TENM3: variants seen among roughly 807,000 people sequenced by gnomAD.
TENM3 encodes the protein teneurin transmembrane protein 3, also known as teneurin-3.
A neutral mutation model predicts 255.1 loss-of-function variants in TENM3; 63 were observed. That is an observed-to-expected ratio of 0.25 (90% confidence interval 0.20 to 0.30). The LOEUF (loss-of-function observed/expected upper bound fraction) is 0.30, where lower values mean the gene tolerates loss of function less well. Ranked by LOEUF, TENM3 falls within the 10% of genes least tolerant of loss-of-function variation. The probability of loss-of-function intolerance (pLI) is 1.00; values close to 1 mark genes in which losing one functional copy is unlikely to be tolerated. For missense variants in TENM3, 2,929 were observed against 3,461.1 expected, an observed-to-expected ratio of 0.85 and a Z score of 3.86; for synonymous variants, 1,306 against 1,322.3, an observed-to-expected ratio of 0.99 and a Z score of 0.27.
chr4:181,545,343 C>G, the TENM3 span, among the ~76,000 whole-genome samples: 3 of 152,134 alleles, frequency 2.0e-5, no homozygotes, highest in African/African-American at 7.2e-5. Flanking sequence ...TTTTACTAGT[C>G]CGTGGTTTGT....
At chr4:181,979,076 T>C in the TENM3 span, among the ~76,000 whole-genome samples, 2 of 116,040 alleles carry the variant, frequency 1.7e-5, no homozygotes, top group Non-Finnish European at 3.4e-5. Context: ...AGAAGCAAAA[T>C]ATATGCTACA....
chr4:181,474,377 A>C, the TENM3 span, among the ~76,000 whole-genome samples: 1 of 152,142 alleles, frequency 6.6e-6, no homozygotes, highest in Admixed American at 6.5e-5. Flanking sequence ...TTACATACAT[A>C]GTTTTATTCA....
chr4:182,248,151 T>A (rs1242559068), intron 1 of TENM3, among the ~76,000 whole-genome samples: 1 of 152,192 alleles, frequency 6.6e-6, no homozygotes, highest in Non-Finnish European at 1.5e-5. Context: ...CAGTTAAAAT[T>A]TGCTTTTAAA....
the TENM3 span, among the ~76,000 whole-genome samples, chr4:181,892,908 A>T: frequency 6.6e-6 from 1 of 152,228 alleles, no homozygotes; most frequent in Non-Finnish European, 1.5e-5. Context: ...ATTCCAGAAG[A>T]GGAAGAACTG....
chr4:181,542,204 A>T, the TENM3 span, among the ~76,000 whole-genome samples: 2 of 152,224 alleles, frequency 1.3e-5, no homozygotes, highest in African/African-American at 4.8e-5. Flanking sequence ...AGAATAACGT[A>T]TTCAAAGAAC....
At chr4:182,281,837 G>A (rs926165524) in intron 1 of TENM3, among the ~76,000 whole-genome samples, 6 of 152,134 alleles carry the variant, frequency 3.9e-5, no homozygotes, top group Admixed American at 2.6e-4. Flanking sequence ...CTGGGTTTGA[G>A]CGATTCTCCT....
intron 1 of TENM3, among the ~76,000 whole-genome samples, chr4:182,230,811 ACT>A (rs1491138335): frequency 5.1e-5 from 3 of 59,246 alleles, no homozygotes; most frequent in Admixed American, 2.5e-4. Flanking sequence ...AGTTTCTCAA[ACT>A]ATATATATAT....
chr4:182,107,349 C>T, the TENM3 span, among the ~76,000 whole-genome samples: 2 of 152,168 alleles, frequency 1.3e-5, no homozygotes, highest in Non-Finnish European at 2.9e-5. Flanking sequence ...CAGAAAGCAG[C>T]CCACCCTGGG....
chr4:182,166,145 TAA>T (rs1751703279), intron 1 of TENM3, among the ~76,000 whole-genome samples: 1 of 152,224 alleles, frequency 6.6e-6, no homozygotes, highest in African/African-American at 2.4e-5. Context: ...GTCCCGTTGG[TAA>T]AGACTACCAA....
the TENM3 span, among the ~76,000 whole-genome samples, chr4:181,607,192 G>T: frequency 6.6e-6 from 1 of 152,234 alleles, no homozygotes; most frequent in African/African-American, 2.4e-5. Flanking sequence ...TTAAGATCAA[G>T]AATATTCCTG....
At chr4:182,280,288 A>G (rs898716260) in intron 1 of TENM3, among the ~76,000 whole-genome samples, 1 of 152,104 alleles carries the variant, frequency 6.6e-6, no homozygotes, top group African/African-American at 2.4e-5. Flanking sequence ...GGCCACATAA[A>G]TTTTTTGATT....
chr4:182,701,210 C>CTTTGTTTTT, intron 12 of TENM3, among the ~76,000 whole-genome samples: 1 of 38,644 alleles, frequency 2.6e-5, no homozygotes, highest in Non-Finnish European at 4.3e-5. Flanking sequence ...CAACTCTTGA[C>CTTTGTTTTT]TTTTTTTTTT....
At chr4:181,563,215 G>T in the TENM3 span, among the ~76,000 whole-genome samples, 1 of 152,214 alleles carries the variant, frequency 6.6e-6, no homozygotes, top group East Asian at 1.9e-4. Context: ...TTCCTTCCAG[G>T]GCTGTAAGGA....
chr4:182,114,847 T>A, the TENM3 span, among the ~76,000 whole-genome samples: 2 of 152,122 alleles, frequency 1.3e-5, no homozygotes, highest in Non-Finnish European at 2.9e-5. Context: ...GACTCTAAGG[T>A]CAACTATTTT....
chr4:181,909,644 T>C, the TENM3 span, among the ~76,000 whole-genome samples: 39 of 152,282 alleles, frequency 2.6e-4, no homozygotes, highest in African/African-American at 7.5e-4. Context: ...GTAATGATTT[T>C]TTAGATTTTA....
rs116155432 is a variant in TENM3 at position 182,271,193 on chromosome 4, T to C, written c.-76+27717T>C. Among the ~76,000 whole-genome samples, 548 of 152,302 alleles carry C rather than the reference T, an allele frequency of 3.6e-3. 3 individuals carry two copies. The highest frequency in any genetic ancestry group is 0.013 in the African/African-American group (528 of 41,556). The stretch of plus-strand genomic sequence containing the variant: ...CGATCCTGTTTCTGTAGAACAGGAT[T>C]CAATCTTTGTAACCAGCTAGTTATC... On this transcript the variant is annotated intron_variant, in intron 1 of 27. Coordinates refer to ENST00000511685, the MANE Select transcript of TENM3 (RefSeq NM_001080477.4).
chr4:181,885,128 G>A, the TENM3 span, among the ~76,000 whole-genome samples: 1 of 152,148 alleles, frequency 6.6e-6, no homozygotes, highest in Non-Finnish European at 1.5e-5. Context: ...ACTACAAGTT[G>A]TATCTATTTT....
chr4:182,015,301 C>T, the TENM3 span, among the ~76,000 whole-genome samples: 26 of 152,174 alleles, frequency 1.7e-4, no homozygotes, highest in African/African-American at 6.3e-4. Context: ...AACTATGTCT[C>T]ACGGCAGCCA....
chr4:181,899,935 C>G, the TENM3 span, among the ~76,000 whole-genome samples: 1 of 151,950 alleles, frequency 6.6e-6, no homozygotes, highest in Non-Finnish European at 1.5e-5. Context: ...TCCCACTGAC[C>G]TTTTTTCTTG....
Sources: allele counts gnomAD v4.1 joint callset (sites outside exome capture counted in the v4.1 genomes callset), GRCh38; gene constraint gnomAD v4.1.1; transcripts MANE v1.5; gene names NCBI Gene and HGNC (gene_info 2026-07-23, HGNC 2026-07-21).